The following GRIA3 variants were observed in gnomAD, a reference collection of about 807,000 sequenced individuals.
GRIA3 encodes the protein glutamate receptor 3.
Under a neutral mutation model 63.0 loss-of-function variants are expected in GRIA3, and 3 were observed. That is an observed-to-expected ratio of 0.05 (90% CI 0.02 to 0.12). GRIA3 has a LOEUF of 0.12. GRIA3 is among the 10% of genes least tolerant of loss of function. The pLI is 1.00. For missense variants in GRIA3, 347 were observed against 700.9 expected (o/e 0.50, Z 5.70); for synonymous variants, 274 against 257.9 (o/e 1.06, Z -0.60).
In GRIA3 at chrX:123,291,617, A is replaced by C. The variant is rs762580952; in HGVS notation, c.509-34409A>C. On this transcript the variant is annotated intron_variant, in intron 3 of 15. Transcript: ENST00000620443. ...AGTACAATTTTTAAGAGAAAGTATA[A>C]AAGAATAACATCAAAGACCTAAGCT... 1.8e-5 allele frequency among the ~76,000 whole-genome samples: 2 copies of C among 111,321 alleles called. 1 individual carries two copies. Among genetic ancestry groups the C allele is most frequent in the South Asian group, 7.6e-4 (2 of 2,639 alleles).
At chrX:123,389,932 T>G (rs1286404260) in intron 5 of GRIA3, among the ~76,000 whole-genome samples, 2 of 111,447 alleles carry the variant, frequency 1.8e-5, no homozygotes, top group African/African-American at 6.5e-5. Context: ...GGTCTCGATC[T>G]CCTGACCTCG....
chrX:123,417,262 AC>A (rs2045541446), intron 10 of GRIA3, 139 bp from the exon 11 acceptor site: 6 of 520,628 alleles, frequency 1.2e-5, no homozygotes, highest in Non-Finnish European at 1.6e-5. Flanking sequence ...CACTTTTCTA[AC>A]CTAAGCATTG....
chrX:123,480,065 C>T lies in GRIA3; in HGVS notation c.2327C>T (p.Thr776Met), dbSNP rs780680047. 3 of 1,134,070 alleles carry T rather than the reference C, an allele frequency of 2.6e-6. No individual in the cohort carries two copies. The highest frequency in any genetic ancestry group is 3.0e-5 in the East Asian group (1 of 33,528). 93.5% of individuals were successfully genotyped at this position (1,134,070 alleles called of 1,213,427 possible). ...TTTATGTTATTTCCCACGTGAAGAA[C>T]GCCTGTAAACCTTGCAGTATTGAAA... ...VATPKGSALR[T>M]PVNLAVLKLS... is the part of the protein sequence containing the mutation. The change falls in exon 14 of 16, where the codon ACG becomes ATG. Residue 776 changes from threonine (T) to methionine (M), a missense_variant and splice_region_variant. This residue lies in a region of GRIA3 where 49 missense variants were observed against 176.6 expected (regional missense o/e 0.28). Coordinates refer to ENST00000620443, the MANE Select transcript of GRIA3 (RefSeq NM_007325.5).
At chrX:123,482,558 A>G (rs1455341881) in intron 14 of GRIA3, among the ~76,000 whole-genome samples, 1 of 111,711 alleles carries the variant, frequency 9.0e-6, no homozygotes, top group Admixed American at 9.5e-5. Context: ...GGCACTAAGG[A>G]ACGTAAGGAG....
At chrX:123,189,768 T>C (rs1375357098) in intron 2 of GRIA3, among the ~76,000 whole-genome samples, 2 of 112,309 alleles carry the variant, frequency 1.8e-5, no homozygotes, top group African/African-American at 6.5e-5. Context: ...GGATTGAGAA[T>C]AGGACTTAGG....
chrX:123,381,918 T>C (rs1425740950), intron 5 of GRIA3, among the ~76,000 whole-genome samples: 1 of 112,459 alleles, frequency 8.9e-6, no homozygotes, highest in African/African-American at 3.2e-5. Flanking sequence ...ACTTCTTTGA[T>C]ACTTATTAAT....
intron 7 of GRIA3, among the ~76,000 whole-genome samples, chrX:123,402,240 C>A (rs971557678): frequency 9.0e-6 from 1 of 111,096 alleles, no homozygotes; most frequent in African/African-American, 3.3e-5. Context: ...AGGGAAAGCT[C>A]ATCCCTGTCA....
chrX:123,460,785 A>G (rs893389884), intron 12 of GRIA3, among the ~76,000 whole-genome samples: 1 of 111,821 alleles, frequency 8.9e-6, no homozygotes, highest in Non-Finnish European at 1.9e-5. Flanking sequence ...TGGGTAACTA[A>G]CTAGGAAATG....
intron 4 of GRIA3, among the ~76,000 whole-genome samples, chrX:123,339,605 G>C (rs765574733): frequency 8.9e-6 from 1 of 112,022 alleles, no homozygotes; most frequent in Non-Finnish European, 1.9e-5. Context: ...GCTTGACTCA[G>C]ATCAGGAAGG....
At chrX:123,444,798 T>C (rs1310825326) in intron 12 of GRIA3, among the ~76,000 whole-genome samples, 1 of 111,539 alleles carries the variant, frequency 9.0e-6, no homozygotes, top group African/African-American at 3.3e-5. Flanking sequence ...CCTTTCTCCC[T>C]CCCTCTCTTC....
intron 3 of GRIA3, among the ~76,000 whole-genome samples, chrX:123,312,714 G>C (rs1247993127): frequency 1.8e-5 from 2 of 112,273 alleles, no homozygotes; most frequent in Admixed American, 9.4e-5. Context: ...ATGTGTTGTA[G>C]GCAAAGTGCA....
In GRIA3 at chrX:123,386,439, T is replaced by C. The variant is rs748283825; in HGVS notation, c.751-8529T>C. Among the ~76,000 whole-genome samples, 3 of 112,080 alleles carry C rather than the reference T, an allele frequency of 2.7e-5. No individual in the cohort carries two copies. The Admixed American group carries it at 2.8e-4, about 11-fold the overall frequency. ...TCACTCTGTTGATTGTTTCCTTTAC[T>C]GTGCAGAAGCTTTTTGGTTTAATAT... On this transcript the variant is annotated intron_variant, in intron 5 of 15. Coordinates refer to ENST00000620443, the MANE Select transcript of GRIA3 (RefSeq NM_007325.5).
At chrX:123,227,963 C>A (rs2044256520) in intron 2 of GRIA3, among the ~76,000 whole-genome samples, 1 of 112,011 alleles carries the variant, frequency 8.9e-6, no homozygotes, top group African/African-American at 3.2e-5. Context: ...GCATTCAAGG[C>A]TGTTTGAACT....
At chrX:123,464,122 A>G (rs765165171) in intron 12 of GRIA3, among the ~76,000 whole-genome samples, 1 of 111,386 alleles carries the variant, frequency 9.0e-6, no homozygotes, top group Non-Finnish European at 1.9e-5. Context: ...ACATTAAAAA[A>G]AAGAACCGTT....
chrX:123,204,029 A>G (rs1478455399), intron 2 of GRIA3, among the ~76,000 whole-genome samples: 1 of 112,381 alleles, frequency 8.9e-6, no homozygotes, highest in Non-Finnish European at 1.9e-5. Context: ...TGAGTTAAAA[A>G]TTAAAACCAA....
At chrX:123,249,733 G>A (rs926178674) in intron 2 of GRIA3, among the ~76,000 whole-genome samples, 6 of 111,670 alleles carry the variant, frequency 5.4e-5, no homozygotes, top group Admixed American at 1.9e-4. Context: ...TTTGGACCAC[G>A]GTGGCATATT....
intron 10 of GRIA3, among the ~76,000 whole-genome samples, chrX:123,416,740 A>G (rs1370813018): frequency 8.8e-6 from 1 of 113,146 alleles, no homozygotes; most frequent in Non-Finnish European, 1.9e-5. Flanking sequence ...TCATGTTTGC[A>G]TATGTCATAT....
chrX:123,243,675 A>T (rs1478902811), intron 2 of GRIA3, among the ~76,000 whole-genome samples: 1 of 112,125 alleles, frequency 8.9e-6, no homozygotes, highest in African/African-American at 3.2e-5. Context: ...TGATTATTTG[A>T]TTCATATTTA....
intron 3 of GRIA3, among the ~76,000 whole-genome samples, chrX:123,266,182 A>G (rs1316607289): frequency 2.7e-5 from 3 of 112,068 alleles, no homozygotes; most frequent in African/African-American, 9.7e-5. Flanking sequence ...TATTTTTGTA[A>G]TGATTCAAAA....
Sources: gnomAD v4.1 joint callset for allele counts (sites outside exome capture counted in the v4.1 genomes callset) on GRCh38, gnomAD v4.1.1 for gene constraint, gnomAD v4.1.1 regional missense constraint, MANE v1.5 for transcripts, NCBI Gene and HGNC (gene_info 2026-07-23, HGNC 2026-07-21) for gene names.